The following MMP27 variants were observed in gnomAD, a reference collection of about 807,000 sequenced individuals.
MMP27 encodes matrix metallopeptidase 27, also known as matrix metalloproteinase-27.
MMP27 carries 51 observed loss-of-function variants against 48.1 expected under a neutral mutation model. That is an observed-to-expected ratio of 1.06 (90% CI 0.85 to 1.34). The LOEUF is 1.34. Among genes scored for constraint, MMP27 ranks in the 40% most tolerant of loss-of-function variants. The pLI, the probability that MMP27 is intolerant of heterozygous loss-of-function variation, is 0.00. For missense variants in MMP27, 698 were observed against 619.3 expected, an observed-to-expected ratio of 1.13 and a Z score of -1.35; for synonymous variants, 229 against 208.9, an observed-to-expected ratio of 1.10 and a Z score of -0.83.
chr11:102,696,044 C>T (rs1860820102), intron 6 of MMP27, among the ~76,000 whole-genome samples: 1 of 152,158 alleles, frequency 6.6e-6, no homozygotes, highest in African/African-American at 2.4e-5. Context: ...GAAAATTTAA[C>T]AATAGACTCC....
chr11:102,702,871 C>T lies in MMP27; in HGVS notation c.501G>A (p.Arg167=), dbSNP rs749962648. 1 of 1,613,564 alleles carries T rather than the reference C, an allele frequency of 6.2e-7. No individual in the cohort carries two copies. The highest frequency in any genetic ancestry group is 2.2e-5 in the East Asian group (1 of 44,882). ...MIAFRTRVHG[R]CPRYFDGPLG... is the part of the protein sequence containing the mutation. ...AGGGACCATCAAAATAGCGAGGACA[C>T]CGACCATGGACTGAGATACAATTTA... The change falls in exon 4 of 10, where the codon CGG becomes CGA. Residue 167 remains arginine (R), a synonymous_variant. Coordinates refer to ENST00000260229, the MANE Select transcript of MMP27 (RefSeq NM_022122.3).
chr11:102,702,673 AAGC>A, intron 4 of MMP27, 77 bp downstream of exon 4: 3 of 1,478,144 alleles, frequency 2.0e-6, no homozygotes, highest in Non-Finnish European at 2.7e-6. Flanking sequence ...TACAGTTAAA[AAGC>A]AGCTAGTTAC....
intron 4 of MMP27, among the ~76,000 whole-genome samples, chr11:102,697,301 C>T (rs1000424342): frequency 1.2e-4 from 18 of 152,110 alleles, no homozygotes; most frequent in African/African-American, 4.1e-4. Flanking sequence ...AATAGTACAG[C>T]TATGTAGGAC....
At chr11:102,702,612 T>C (rs1860961776) in intron 4 of MMP27, 141 bp downstream of exon 4, 3 of 957,358 alleles carry the variant, frequency 3.1e-6, no homozygotes, top group Non-Finnish European at 4.8e-6. Context: ...ATTGAACACT[T>C]CCATCAAGGT....
chr11:102,696,662 A>C lies in MMP27; in HGVS notation c.781+12T>G. ...TTAGTTCACATATATTGAGATTTATAATTTTGCTCACCATAGATGGACTGG... is the reference window on the plus strand; with the variant it reads ...TTAGTTCACATATATTGAGATTTATCATTTTGCTCACCATAGATGGACTGG... On this transcript the variant is annotated intron_variant, in intron 5 of 9. Transcript: ENST00000260229. 1.3e-6 allele frequency: 2 copies of C among 1,595,220 alleles called. No individual in the cohort carries two copies. The highest frequency in any genetic ancestry group is 1.4e-5 in the African/African-American group (1 of 73,802).
intron 4 of MMP27, among the ~76,000 whole-genome samples, chr11:102,700,283 A>T (rs1036746525): frequency 6.6e-6 from 1 of 152,252 alleles, no homozygotes; most frequent in African/African-American, 2.4e-5. Context: ...AGATGACAAA[A>T]GTCTCTGTCT....
chr11:102,695,665 G>A (rs4754869), intron 6 of MMP27, among the ~76,000 whole-genome samples: 11,666 of 152,150 alleles, frequency 0.077, 646 homozygotes, highest in East Asian at 0.27. Flanking sequence ...TGATTGTAAC[G>A]CGATATATTC....
intron 4 of MMP27, among the ~76,000 whole-genome samples, chr11:102,701,456 A>G (rs1426192403): frequency 1.3e-5 from 2 of 152,222 alleles, no homozygotes; most frequent in Non-Finnish European, 2.9e-5. Flanking sequence ...CTGGCTGAGC[A>G]AGGGGAGTCA....
intron 4 of MMP27, among the ~76,000 whole-genome samples, chr11:102,701,985 A>G (rs903783959): frequency 4.6e-5 from 7 of 152,188 alleles, no homozygotes; most frequent in African/African-American, 1.7e-4. Flanking sequence ...CAAGGTAACT[A>G]TTGCCAATGA....
In MMP27 at chr11:102,693,905, C is replaced by T. The variant is rs748494205; in HGVS notation, c.1193+1G>A. 1 of 1,589,106 alleles carries T rather than the reference C, an allele frequency of 6.3e-7. No individual in the cohort carries two copies. Among genetic ancestry groups the T allele is most frequent in the Non-Finnish European group, 8.5e-7 (1 of 1,169,666 alleles). ...AAAGTGTCAATTGTCTGTAAACTTA[C>T]CTCCAGCACCAAATGCCCACAAAGA... On this transcript the variant is annotated splice_donor_variant, in intron 8 of 9. Transcript: ENST00000260229. LOFTEE classifies it high-confidence loss of function.
chr11:102,693,775 A>T (rs1565425242), intron 8 of MMP27, 131 bp downstream of exon 8: 3 of 707,706 alleles, frequency 4.2e-6, no homozygotes, highest in Non-Finnish European at 4.2e-6. Flanking sequence ...ACAGAGCAAG[A>T]CTCCATCTCA....
intron 4 of MMP27, among the ~76,000 whole-genome samples, 164 bp downstream of exon 4, chr11:102,702,589 T>A (rs1860961244): frequency 6.6e-6 from 1 of 152,190 alleles, no homozygotes; most frequent in Admixed American, 6.5e-5. Context: ...AAGTAGCCAC[T>A]TTATGAGGGT....
rs144957816 is a variant in MMP27, at chr11:102,704,800, A to G, written c.103-25T>C. The G allele has an allele frequency of 1.0e-3, 1,488 of 1,488,508 alleles. 26 individuals are homozygous for G. The African/African-American group carries it at 0.018, about 18-fold the overall frequency. 92.2% of individuals were successfully genotyped at this position (1,488,508 alleles called of 1,614,324 possible). On this transcript the variant is annotated intron_variant, in intron 1 of 9. Coordinates refer to ENST00000260229, the MANE Select transcript of MMP27 (RefSeq NM_022122.3). Reference sequence around the variant, plus strand: ...CCTGACCAAAAAGATAAGAAAAAAAAAAAAGAGGCACAGACTACAGGAGAG... The same window carrying G: ...CCTGACCAAAAAGATAAGAAAAAAAGAAAAGAGGCACAGACTACAGGAGAG...
Position 102,691,656 on chromosome 11 carries a change from G to C in MMP27, c.*110C>G, listed in dbSNP as rs1221815738. Reference sequence around the variant, plus strand: ...GCAGCTCAAAATGGCCATTGAATTTGGATATTTAGAACTAGGACCAGCAAC... The same window carrying C: ...GCAGCTCAAAATGGCCATTGAATTTCGATATTTAGAACTAGGACCAGCAAC... On this transcript the variant is annotated 3_prime_UTR_variant, in exon 10 of 10. Coordinates refer to ENST00000260229, the MANE Select transcript of MMP27 (RefSeq NM_022122.3). 1 of 972,790 alleles carries C rather than the reference G, an allele frequency of 1.0e-6. No homozygotes were observed. Among genetic ancestry groups the C allele is most frequent in the African/African-American group, 1.6e-5 (1 of 60,644 alleles). The allele number at this position is 972,790 out of a possible 1,614,324, so 60.3% of individuals were successfully genotyped here. A position where few individuals can be genotyped will look rare whatever the true frequency, so the allele number is the denominator to read the frequency against.
chr11:102,704,920 T>C, intron 1 of MMP27, 145 bp from the exon 2 acceptor site: 1 of 598,246 alleles, frequency 1.7e-6, no homozygotes, highest in Non-Finnish European at 2.9e-6. Flanking sequence ...AAGTGAGGAG[T>C]GAAGGAGGAA....
Position 102,697,413 on chromosome 11 carries a change from T to C in MMP27, c.620-578A>G, listed in dbSNP as rs920537563. On this transcript the variant is annotated intron_variant, in intron 4 of 9. Transcript: ENST00000260229. ...GGCCTAGGACTTACAGTACATTATGTAGACTGTATAAACACTAGACACTTA... is the reference window on the plus strand; with the variant it reads ...GGCCTAGGACTTACAGTACATTATGCAGACTGTATAAACACTAGACACTTA... Among the ~76,000 whole-genome samples the C allele has an allele frequency of 2.0e-5, 3 of 152,240 alleles. No individual in the cohort carries two copies. In the East Asian group the frequency reaches 5.8e-4, roughly 29 times the overall value.
chr11:102,695,188 T>A (rs1043193451), intron 6 of MMP27, 91 bp from the exon 7 acceptor site: 20 of 1,399,524 alleles, frequency 1.4e-5, no homozygotes, highest in Non-Finnish European at 2.0e-5. Context: ...AGCTAATTGG[T>A]TGGTATCTTC....
chr11:102,695,232 C>G (rs1252016830), intron 6 of MMP27, 135 bp from the exon 7 acceptor site: 13 of 1,048,180 alleles, frequency 1.2e-5, no homozygotes, highest in Non-Finnish European at 1.8e-5. Context: ...ATAATTTTCC[C>G]CAGTAAATTT....
At chr11:102,693,189 T>A in intron 8 of MMP27, 148 bp from the exon 9 acceptor site, 1 of 575,596 alleles carries the variant, frequency 1.7e-6, no homozygotes, top group Non-Finnish European at 3.1e-6. Context: ...AAAAATACAG[T>A]AAAGATTATG....
Sources: gnomAD v4.1 joint callset for allele counts (sites outside exome capture counted in the v4.1 genomes callset) on GRCh38, gnomAD v4.1.1 for gene constraint, MANE v1.5 for transcripts, NCBI Gene and HGNC (gene_info 2026-07-23, HGNC 2026-07-21) for gene names.